EXT1: variants seen among roughly 807,000 people sequenced by gnomAD.
The protein encoded by EXT1 is exostosin-1.
EXT1 carries 20 observed loss-of-function variants against 82.5 expected under a neutral mutation model. The observed-to-expected ratio is 0.24, with a 90% CI of 0.17 to 0.35. EXT1 has a LOEUF of 0.35. Among genes scored for constraint, EXT1 ranks in the 10% least tolerant of loss-of-function variants. The probability of loss-of-function intolerance (pLI) is 1.00; values close to 1 mark genes in which losing one functional copy is unlikely to be tolerated. For synonymous variants in EXT1, 348 were observed against 350.8 expected (o/e 0.99, Z 0.09); for missense variants, 757 against 936.5 (o/e 0.81, Z 2.50).
intron 1 of EXT1, among the ~76,000 whole-genome samples, chr8:118,030,535 C>A (rs1022887734): frequency 6.6e-6 from 1 of 152,000 alleles, no homozygotes. Flanking sequence ...AGGCTGGAGT[C>A]CAGTGGCACA....
At chr8:117,945,880 G>C (rs1222610743) in intron 1 of EXT1, among the ~76,000 whole-genome samples, 2 of 152,020 alleles carry the variant, frequency 1.3e-5, no homozygotes, top group Non-Finnish European at 2.9e-5. Flanking sequence ...CAATGTACAA[G>C]ATTACTGTAT....
At chr8:117,915,039 T>C (rs1395599757) in intron 1 of EXT1, among the ~76,000 whole-genome samples, 5 of 152,182 alleles carry the variant, frequency 3.3e-5, no homozygotes, top group Admixed American at 3.3e-4. Context: ...ACTTGCTGGT[T>C]TGAGGCTCAG....
chr8:117,824,179 A>G (rs1194385677), intron 4 of EXT1, among the ~76,000 whole-genome samples: 1 of 152,160 alleles, frequency 6.6e-6, no homozygotes, highest in African/African-American at 2.4e-5. Context: ...ATATCAAGAT[A>G]GAAAATAAAT....
At chr8:117,830,605 T>C (rs1412973520) in intron 3 of EXT1, among the ~76,000 whole-genome samples, 1 of 152,222 alleles carries the variant, frequency 6.6e-6, no homozygotes, top group East Asian at 1.9e-4. Context: ...CAGTAGCACC[T>C]TATCAGTTGC....
chr8:117,892,417 TTGCTGC>T (rs925705401), intron 1 of EXT1, among the ~76,000 whole-genome samples: 1 of 151,970 alleles, frequency 6.6e-6, no homozygotes, highest in Non-Finnish European at 1.5e-5. Context: ...ACTTCTACTA[TTGCTGC>T]TGCTGCTGCT....
chr8:117,899,273 AGTTTTACAACT>A (rs1399036332), intron 1 of EXT1, among the ~76,000 whole-genome samples: 24 of 152,288 alleles, frequency 1.6e-4, no homozygotes, highest in African/African-American at 5.8e-4. Context: ...TTAAAAATAC[AGTTTTACAACT>A]CTAGAAGTTG....
chr8:117,873,486 T>A (rs138315026), intron 1 of EXT1, among the ~76,000 whole-genome samples: 2,183 of 145,528 alleles, frequency 0.015, 72 homozygotes, highest in African/African-American at 0.053. Context: ...GACAGGGTAT[T>A]GCTCTGTCAC....
chr8:117,994,884 C>T (rs1815504779), intron 1 of EXT1, among the ~76,000 whole-genome samples: 1 of 152,184 alleles, frequency 6.6e-6, no homozygotes, highest in Admixed American at 6.5e-5. Flanking sequence ...GGTCTGAATC[C>T]TAAATCTGAA....
chr8:117,853,604 G>C (rs1351058674), intron 1 of EXT1, among the ~76,000 whole-genome samples: 1 of 151,966 alleles, frequency 6.6e-6, no homozygotes, highest in Non-Finnish European at 1.5e-5. Context: ...TCAGAAAAGA[G>C]CCTTAACAAC....
intron 1 of EXT1, among the ~76,000 whole-genome samples, chr8:118,080,859 C>A (rs1817307631): frequency 6.6e-6 from 1 of 152,086 alleles, no homozygotes; most frequent in Non-Finnish European, 1.5e-5. Flanking sequence ...ATGTGGTTCC[C>A]ATTCTGGTTT....
At chr8:117,820,821 A>G (rs1342218598) in intron 5 of EXT1, among the ~76,000 whole-genome samples, 2 of 152,250 alleles carry the variant, frequency 1.3e-5, no homozygotes, top group Non-Finnish European at 2.9e-5. Flanking sequence ...ATTTTGGAGA[A>G]GAAGCCTCCA....
intron 1 of EXT1, among the ~76,000 whole-genome samples, chr8:117,885,435 G>A (rs956633368): frequency 6.6e-6 from 1 of 150,828 alleles, no homozygotes; most frequent in Non-Finnish European, 1.5e-5. Context: ...GTACTGGCAG[G>A]GGAGGAGAAG....
At chr8:117,984,455 A>C (rs1245799633) in intron 1 of EXT1, among the ~76,000 whole-genome samples, 2 of 151,692 alleles carry the variant, frequency 1.3e-5, no homozygotes, top group African/African-American at 2.4e-5. Context: ...AAAACAAAAA[A>C]AAAAAACAAA....
intron 3 of EXT1, 51 bp downstream of exon 3, chr8:117,835,393 G>A (rs778696879): frequency 3.7e-6 from 5 of 1,361,752 alleles, no homozygotes; most frequent in South Asian, 1.2e-5. Context: ...AAGTTTGGAC[G>A]GGGGCAGCAA....
intron 1 of EXT1, among the ~76,000 whole-genome samples, chr8:117,991,801 A>G (rs1310316909): frequency 6.6e-6 from 1 of 152,144 alleles, no homozygotes; most frequent in East Asian, 1.9e-4. Context: ...ACCTCAAGTG[A>G]TCCACCCTCC....
At chr8:117,844,238 G>A (rs1206903057) in intron 1 of EXT1, among the ~76,000 whole-genome samples, 14 of 151,688 alleles carry the variant, frequency 9.2e-5, no homozygotes, top group South Asian at 6.3e-4. Context: ...CTGCAGCCCC[G>A]ACCTCCTGGG....
chr8:117,890,840 T>C (rs1287371326), intron 1 of EXT1, among the ~76,000 whole-genome samples: 5 of 152,218 alleles, frequency 3.3e-5, no homozygotes, highest in South Asian at 2.1e-4. Context: ...AGAGATGTTT[T>C]TCGTTTCAGT....
intron 1 of EXT1, among the ~76,000 whole-genome samples, chr8:117,842,122 C>T (rs1367133578): frequency 6.6e-6 from 1 of 152,156 alleles, no homozygotes; most frequent in Non-Finnish European, 1.5e-5. Flanking sequence ...ACCACTGGCA[C>T]CATAGTTAAG....
At chr8:117,934,103 T>C (rs558649774) in intron 1 of EXT1, among the ~76,000 whole-genome samples, 1 of 152,190 alleles carries the variant, frequency 6.6e-6, no homozygotes. Flanking sequence ...CAGCACAGTG[T>C]TTTGAAACCC....
Sources: allele counts gnomAD v4.1 joint callset (sites outside exome capture counted in the v4.1 genomes callset), GRCh38; gene constraint gnomAD v4.1.1; transcripts MANE v1.5; gene names NCBI Gene and HGNC (gene_info 2026-07-23, HGNC 2026-07-21).